Variants in STAM observed in about 807,000 individuals in gnomAD.
STAM encodes signal transducing adaptor molecule.
STAM carries 16 observed loss-of-function variants against 63.4 expected under a neutral mutation model. The observed-to-expected ratio is 0.25, with a 90% CI of 0.17 to 0.38. The LOEUF (loss-of-function observed/expected upper bound fraction) is 0.38. Among genes scored for constraint, STAM ranks in the 10% least tolerant of loss-of-function variants. The probability of loss-of-function intolerance (pLI) is 1.00; values close to 1 mark genes in which losing one functional copy is unlikely to be tolerated. For synonymous variants in STAM, 238 were observed against 223.9 expected (o/e 1.06, Z -0.56); for missense variants, 636 against 657.1 (o/e 0.97, Z 0.35).
At chr10:17,646,528 G>A (rs1833526046) in intron 1 of STAM, among the ~76,000 whole-genome samples, 1 of 152,208 alleles carries the variant, frequency 6.6e-6, no homozygotes, top group South Asian at 2.1e-4. Context: ...TACATAGGAG[G>A]TGTTTAATAA....
In STAM at chr10:17,715,038, C is replaced by A; in HGVS notation, c.*258C>A. On this transcript the variant is annotated 3_prime_UTR_variant, in exon 14 of 14. Coordinates refer to ENST00000377524, the MANE Select transcript of STAM (RefSeq NM_003473.4). ...ATAATATGAAAGAATTGATACAAGG[C>A]TATTTGTCTCGTAAACCTGGTCTGC... The A allele has an allele frequency of 2.2e-6, 1 of 461,620 alleles. No individual in the cohort carries two copies. The highest frequency in any genetic ancestry group is 4.1e-5 in the East Asian group (1 of 24,210). The allele number at this position is 461,620 out of a possible 1,614,324, so 28.6% of individuals were successfully genotyped here. A position where few individuals can be genotyped will look rare whatever the true frequency, so the allele number is the denominator to read the frequency against.
intron 1 of STAM, among the ~76,000 whole-genome samples, chr10:17,653,664 C>T (rs1177142186): frequency 1.3e-5 from 2 of 151,896 alleles, no homozygotes; most frequent in Non-Finnish European, 2.9e-5. Context: ...GTCATTATGC[C>T]CTATACAGTA....
intron 4 of STAM, among the ~76,000 whole-genome samples, chr10:17,686,375 C>T (rs553307620): frequency 4.1e-5 from 6 of 148,046 alleles, no homozygotes; most frequent in Non-Finnish European, 7.5e-5. Context: ...AATAACATCC[C>T]GCCTTTTTTT....
chr10:17,693,081 G>A lies in STAM; in HGVS notation c.445-141G>A, dbSNP rs548207143. On this transcript the variant is annotated intron_variant, in intron 5 of 13. Coordinates refer to ENST00000377524, the MANE Select transcript of STAM (RefSeq NM_003473.4). ...GATTCATTTCCCTCTCCCTTTTAAG[G>A]TGGAAGCTGCTGCAGTTTGGATTTC... is the stretch of plus-strand genomic sequence containing the variant. The A allele has an allele frequency of 1.5e-5, 10 of 645,684 alleles. No homozygotes were observed. In the South Asian group the frequency reaches 1.8e-4, roughly 11 times the overall value. The allele number at this position is 645,684 out of a possible 1,614,324, so 40.0% of individuals were successfully genotyped here.
chr10:17,656,313 AAGAT>A (rs1450919059), intron 1 of STAM, among the ~76,000 whole-genome samples: 7 of 151,864 alleles, frequency 4.6e-5, no homozygotes, highest in Non-Finnish European at 5.9e-5. Flanking sequence ...AAAAAAAAAA[AAGAT>A]AGTTTCAGAT....
At chr10:17,707,012 CA>C (rs1206954646) in intron 12 of STAM, among the ~76,000 whole-genome samples, 1 of 152,184 alleles carries the variant, frequency 6.6e-6, no homozygotes, top group Non-Finnish European at 1.5e-5. Flanking sequence ...AGAATGCATG[CA>C]ATGCAGTGTA....
In STAM at chr10:17,716,186, A is replaced by G. The variant is rs1339790963; in HGVS notation, c.*1406A>G. 6.6e-6 allele frequency among the ~76,000 whole-genome samples: 1 copy of G among 152,152 alleles called. No individual in the cohort carries two copies. Among genetic ancestry groups the G allele is most frequent in the Non-Finnish European group, 1.5e-5 (1 of 67,994 alleles). On this transcript the variant is annotated 3_prime_UTR_variant, in exon 14 of 14. Transcript: ENST00000377524. ...AAAGTTGAGTCGAACATCATATTTA[A>G]TGAATTGATGTAACAGGTTTCATAC...
chr10:17,707,804 G>A (rs2131692849), intron 12 of STAM, among the ~76,000 whole-genome samples: 1 of 151,588 alleles, frequency 6.6e-6, no homozygotes, highest in Middle Eastern at 3.5e-3. Flanking sequence ...ACTTTGGGTA[G>A]TTAAGACTTC....
intron 1 of STAM, among the ~76,000 whole-genome samples, chr10:17,644,978 G>A (rs558502766): frequency 2.2e-4 from 33 of 152,334 alleles, no homozygotes; most frequent in African/African-American, 7.9e-4. Context: ...CTTAGGCTAG[G>A]TCTCTGCACT....
chr10:17,673,534 T>C (rs1554824313), intron 2 of STAM, among the ~76,000 whole-genome samples: 1 of 152,218 alleles, frequency 6.6e-6, no homozygotes, highest in Non-Finnish European at 1.5e-5. Context: ...ATTTTCATTT[T>C]CTCAAATTTC....
At chr10:17,689,568 T>C (rs533128568) in intron 5 of STAM, among the ~76,000 whole-genome samples, 79 of 152,236 alleles carry the variant, frequency 5.2e-4, no homozygotes, top group Non-Finnish European at 1.0e-3. Context: ...TACTACTCAG[T>C]ATAGTTTCTA....
intron 2 of STAM, among the ~76,000 whole-genome samples, chr10:17,663,023 G>A (rs1834233758): frequency 6.6e-6 from 1 of 152,108 alleles, no homozygotes; most frequent in Non-Finnish European, 1.5e-5. Flanking sequence ...TCATTTTGTA[G>A]ACGCTTTCTG....
At chr10:17,651,545 T>G (rs1408608977) in intron 1 of STAM, among the ~76,000 whole-genome samples, 1 of 152,214 alleles carries the variant, frequency 6.6e-6, no homozygotes, top group African/African-American at 2.4e-5. Flanking sequence ...GATTCTTCTG[T>G]CCCTATTTTA....
At chr10:17,709,725 C>A (rs1199738454) in intron 13 of STAM, among the ~76,000 whole-genome samples, 1 of 151,868 alleles carries the variant, frequency 6.6e-6, no homozygotes, top group African/African-American at 2.4e-5. Flanking sequence ...AGAAACCTTT[C>A]CAGCAGTGTT....
chr10:17,651,836 C>G (rs1554821593), intron 1 of STAM, among the ~76,000 whole-genome samples: 1 of 152,230 alleles, frequency 6.6e-6, no homozygotes, highest in African/African-American at 2.4e-5. Flanking sequence ...GACTGAATGA[C>G]AGTCCTTTCC....
chr10:17,654,767 G>A (rs897728449), intron 1 of STAM, among the ~76,000 whole-genome samples: 7 of 152,062 alleles, frequency 4.6e-5, no homozygotes, highest in Non-Finnish European at 7.4e-5. Flanking sequence ...TTACATATTG[G>A]TGATAGATTA....
At chr10:17,677,953 T>G (rs1311912352) in intron 2 of STAM, among the ~76,000 whole-genome samples, 1 of 148,670 alleles carries the variant, frequency 6.7e-6, no homozygotes, top group Non-Finnish European at 1.5e-5. Flanking sequence ...AATTGCCCGA[T>G]AAAAGTTTTT....
intron 2 of STAM, 69 bp from the exon 3 acceptor site, chr10:17,684,606 A>T: frequency 7.9e-7 from 1 of 1,261,840 alleles, no homozygotes; most frequent in Non-Finnish European, 1.1e-6. Flanking sequence ...TCTTTTGTCT[A>T]TAACAGTTAA....
At chr10:17,685,056 A>G in intron 4 of STAM, 129 bp downstream of exon 4, 2 of 653,456 alleles carry the variant, frequency 3.1e-6, no homozygotes, top group Non-Finnish European at 2.5e-6. Context: ...TCTATCCAGT[A>G]TATAAATAAA....
Sources: gnomAD v4.1 joint callset for allele counts (sites outside exome capture counted in the v4.1 genomes callset) on GRCh38, gnomAD v4.1.1 for gene constraint, MANE v1.5 for transcripts, NCBI Gene and HGNC (gene_info 2026-07-23, HGNC 2026-07-21) for gene names.